The following RIMS2 variants were observed in gnomAD, a reference collection of about 807,000 sequenced individuals.
RIMS2 encodes regulating synaptic membrane exocytosis protein 2.
RIMS2 carries 59 observed loss-of-function variants against 174.4 expected under a neutral mutation model. The ratio of observed to expected loss-of-function variants is 0.34; its 90% CI spans 0.27 to 0.42. The LOEUF is 0.42. Among genes scored for constraint, RIMS2 ranks in the 10% least tolerant of loss-of-function variants. RIMS2 has a pLI of 1.00. For synonymous variants in RIMS2, 606 were observed against 572.5 expected (o/e 1.06, Z -0.84); for missense variants, 1,620 against 1,666.3 (o/e 0.97, Z 0.48).
At chr8:103,515,891 G>A (rs1158274319) in intron 1 of RIMS2, among the ~76,000 whole-genome samples, 3 of 152,012 alleles carry the variant, frequency 2.0e-5, no homozygotes, top group Admixed American at 2.0e-4. Flanking sequence ...TATAGTGTCA[G>A]TTATTAACTT....
intron 1 of RIMS2, among the ~76,000 whole-genome samples, chr8:103,541,496 A>C (rs141234010): frequency 5.5e-4 from 84 of 152,340 alleles, no homozygotes; most frequent in Non-Finnish European, 9.0e-4. Context: ...GAGTTCTTCC[A>C]GCTGAAAGAA....
At chr8:103,605,855 A>G (rs1426060168) in intron 1 of RIMS2, among the ~76,000 whole-genome samples, 6 of 151,000 alleles carry the variant, frequency 4.0e-5, no homozygotes, top group Non-Finnish European at 7.4e-5. Context: ...TATCCCCTTT[A>G]TCATTTTTTA....
rs2098136580 is a variant in RIMS2, at chr8:104,109,351, T to C, written c.3334+94736T>C. ...GCTCTAAGTCCCCCAAAAACATGCA[T>C]GAGAGGTAATATAGCATAATGATTA... On this transcript the variant is annotated intron_variant, in intron 19 of 23. Transcript: ENST00000504942. 4.1e-5 allele frequency among the ~76,000 whole-genome samples: 6 copies of C among 146,652 alleles called. No homozygotes were observed. In the South Asian group the frequency reaches 1.3e-3, roughly 32 times the overall value.
At chr8:103,538,558 C>T (rs1192357539) in intron 1 of RIMS2, among the ~76,000 whole-genome samples, 3 of 151,440 alleles carry the variant, frequency 2.0e-5, no homozygotes, top group African/African-American at 7.3e-5. Context: ...GCTCTGTTGC[C>T]CAGGCTGGAC....
At chr8:103,757,388 A>G (rs2098035850) in intron 2 of RIMS2, among the ~76,000 whole-genome samples, 1 of 152,094 alleles carries the variant, frequency 6.6e-6, no homozygotes, top group Non-Finnish European at 1.5e-5. Context: ...TGATGAATTT[A>G]ACTATTCTTG....
chr8:103,884,683 C>A (rs2099189331), intron 3 of RIMS2, among the ~76,000 whole-genome samples: 1 of 151,648 alleles, frequency 6.6e-6, no homozygotes, highest in African/African-American at 2.4e-5. Flanking sequence ...ATGAATAAAT[C>A]ATTATTATTT....
chr8:103,712,481 A>C (rs185894491), intron 2 of RIMS2, among the ~76,000 whole-genome samples: 369 of 152,276 alleles, frequency 2.4e-3, no homozygotes, highest in African/African-American at 8.5e-3. Context: ...ACTTGTTCCT[A>C]ATCTCTTGGT....
At chr8:103,614,775 G>A (rs2095468049) in intron 1 of RIMS2, among the ~76,000 whole-genome samples, 2 of 152,182 alleles carry the variant, frequency 1.3e-5, no homozygotes, top group South Asian at 4.1e-4. Flanking sequence ...TGAATATTAT[G>A]CTTGTAACAG....
intron 4 of RIMS2, among the ~76,000 whole-genome samples, chr8:103,887,400 G>A (rs551683208): frequency 1.4e-4 from 21 of 151,294 alleles, no homozygotes; most frequent in African/African-American, 4.8e-4. Flanking sequence ...TGAATTTAAT[G>A]TATCTAAACC....
At chr8:103,746,713 C>T (rs964600695) in intron 2 of RIMS2, among the ~76,000 whole-genome samples, 1 of 151,790 alleles carries the variant, frequency 6.6e-6, no homozygotes, top group Non-Finnish European at 1.5e-5. Flanking sequence ...CGGAGTCTTG[C>T]TCTGTCACCC....
intron 10 of RIMS2, among the ~76,000 whole-genome samples, chr8:103,926,561 A>T (rs1405541347): frequency 6.6e-6 from 1 of 151,556 alleles, no homozygotes; most frequent in Non-Finnish European, 1.5e-5. Flanking sequence ...TTTATGTCTT[A>T]AATAAACGTG....
At chr8:103,891,909 C>G (rs1470884440) in intron 4 of RIMS2, among the ~76,000 whole-genome samples, 1 of 151,924 alleles carries the variant, frequency 6.6e-6, no homozygotes, top group Non-Finnish European at 1.5e-5. Flanking sequence ...TTAAAACAAA[C>G]CCAAAAGATG....
intron 3 of RIMS2, among the ~76,000 whole-genome samples, chr8:103,850,062 A>G (rs1004982580): frequency 1.3e-5 from 2 of 152,030 alleles, no homozygotes; most frequent in Non-Finnish European, 2.9e-5. Context: ...AAGGAAAACA[A>G]TATTGAATGT....
chr8:103,592,123 A>G (rs1244416539), intron 1 of RIMS2, among the ~76,000 whole-genome samples: 1 of 151,232 alleles, frequency 6.6e-6, no homozygotes, highest in Non-Finnish European at 1.5e-5. Flanking sequence ...TGTAATCAAT[A>G]AAACTTAAAG....
chr8:104,082,908 T>C (rs2097451739), intron 19 of RIMS2, among the ~76,000 whole-genome samples: 1 of 152,112 alleles, frequency 6.6e-6, no homozygotes, highest in South Asian at 2.1e-4. Flanking sequence ...TAGAAGGTAA[T>C]TTTAATGATA....
At chr8:103,569,560 A>G (rs746095638) in intron 1 of RIMS2, among the ~76,000 whole-genome samples, 10 of 152,104 alleles carry the variant, frequency 6.6e-5, no homozygotes, top group Non-Finnish European at 1.3e-4. Context: ...AGTTTTCAGT[A>G]TACAAATCTT....
rs565304742 is a variant in RIMS2 at position 104,233,830 on chromosome 8, C to T, written c.3335-11086C>T. Among the ~76,000 whole-genome samples, 124 of 152,332 alleles carry T rather than the reference C, an allele frequency of 8.1e-4. 4 individuals are homozygous for T. The South Asian group carries it at 0.021, about 25-fold the overall frequency. On this transcript the variant is annotated intron_variant, in intron 19 of 23. Coordinates refer to ENST00000504942, the Ensembl canonical transcript of RIMS2. ...AGCCAAACGCCTCATTAGACACAGG[C>T]TTTCAGCCTAAAGATTCTGGTATTT...
At chr8:104,065,284 T>C (rs1157448150) in intron 19 of RIMS2, among the ~76,000 whole-genome samples, 1 of 152,132 alleles carries the variant, frequency 6.6e-6, no homozygotes, top group African/African-American at 2.4e-5. Flanking sequence ...ATATCAGAGC[T>C]GAAACGAAGC....
At chr8:103,922,439 T>C (rs1433595464) in intron 10 of RIMS2, among the ~76,000 whole-genome samples, 1 of 152,022 alleles carries the variant, frequency 6.6e-6, no homozygotes, top group Admixed American at 6.6e-5. Flanking sequence ...TCTAAGTCTT[T>C]ACTTTTTATT....
Sources: gnomAD v4.1 joint callset for allele counts (sites outside exome capture counted in the v4.1 genomes callset) on GRCh38, gnomAD v4.1.1 for gene constraint, MANE v1.5 for transcripts, NCBI Gene and HGNC (gene_info 2026-07-23, HGNC 2026-07-21) for gene names.